KAZN: variants seen among roughly 807,000 people sequenced by gnomAD.
KAZN encodes kazrin.
KAZN carries 40 observed loss-of-function variants against 87.4 expected under a neutral mutation model. That is an observed-to-expected ratio of 0.46 (90% CI 0.36 to 0.60). KAZN has a LOEUF of 0.60. Among genes scored for constraint, KAZN ranks in the 20% least tolerant of loss-of-function variants. The pLI, the probability that KAZN is intolerant of heterozygous loss-of-function variation, is 0.00. For missense variants in KAZN, 898 were observed against 1,073.9 expected, an observed-to-expected ratio of 0.84 and a Z score of 2.29; for synonymous variants, 466 against 458.3, an observed-to-expected ratio of 1.02 and a Z score of -0.22.
At chr1:14,821,036 G>C (rs923591770) in intron 1 of KAZN, among the ~76,000 whole-genome samples, 2 of 152,206 alleles carry the variant, frequency 1.3e-5, no homozygotes, top group African/African-American at 4.8e-5. Flanking sequence ...TTCTGATTCT[G>C]AGTCTGGATG....
intron 1 of KAZN, among the ~76,000 whole-genome samples, chr1:14,018,643 A>G (rs970147918): frequency 6.6e-6 from 1 of 152,070 alleles, no homozygotes; most frequent in Non-Finnish European, 1.5e-5. Context: ...ATGTGTACAG[A>G]CACCATCCCA....
intron 1 of KAZN, among the ~76,000 whole-genome samples, chr1:14,699,303 C>T (rs1056526149): frequency 1.3e-5 from 2 of 152,258 alleles, no homozygotes; most frequent in East Asian, 3.8e-4. Flanking sequence ...TGCTCTTGGA[C>T]TCCATGCCTG....
chr1:13,973,977 G>A (rs960254160), intron 1 of KAZN, among the ~76,000 whole-genome samples: 1 of 152,182 alleles, frequency 6.6e-6, no homozygotes, highest in Non-Finnish European at 1.5e-5. Context: ...GGACTAGGAT[G>A]ATCCAAGGCA....
At chr1:14,812,669 A>G (rs1461389908) in intron 1 of KAZN, among the ~76,000 whole-genome samples, 4 of 152,170 alleles carry the variant, frequency 2.6e-5, no homozygotes, top group Non-Finnish European at 5.9e-5. Context: ...GCATGCCACC[A>G]TGCCCAGCTA....
chr1:14,355,628 C>T (rs780958124), intron 2 of KAZN, among the ~76,000 whole-genome samples: 5 of 152,048 alleles, frequency 3.3e-5, no homozygotes, highest in Non-Finnish European at 7.4e-5. Context: ...TCCCTCCCTG[C>T]GTCCATGTGT....
intron 1 of KAZN, among the ~76,000 whole-genome samples, chr1:14,946,772 G>T (rs1448713747): frequency 6.6e-6 from 1 of 152,150 alleles, no homozygotes. Flanking sequence ...AACCCGAGTT[G>T]AAATCTGATA....
intron 1 of KAZN, among the ~76,000 whole-genome samples, chr1:14,954,586 A>G (rs977024142): frequency 5.3e-5 from 8 of 152,240 alleles, no homozygotes; most frequent in South Asian, 2.1e-4. Flanking sequence ...CCGGTACCCT[A>G]GCTCCTAGCC....
chr1:14,066,448 C>T lies in KAZN; in HGVS notation c.92-113987C>T, dbSNP rs186331914. Among the ~76,000 whole-genome samples the T allele has an allele frequency of 2.8e-3, 429 of 152,312 alleles. 1 individual carries two copies. The highest frequency in any genetic ancestry group is 9.7e-3 in the African/African-American group (402 of 41,576). On this transcript the variant is annotated intron_variant, in intron 1 of 16. Coordinates refer to the KAZN transcript ENST00000636203. ...TTGAATCTGAATTCCTGTTGAATCT[C>T]GTTCTCACTTCTTGGGGTAGAGGGT... is the stretch of plus-strand genomic sequence containing the variant.
At chr1:14,177,145 G>A (rs953226707) in intron 1 of KAZN, among the ~76,000 whole-genome samples, 23 of 151,902 alleles carry the variant, frequency 1.5e-4, no homozygotes, top group African/African-American at 4.6e-4. Flanking sequence ...GTGACACAGC[G>A]AGACGCCATC....
chr1:14,191,597 C>A (rs1362400074), intron 2 of KAZN, among the ~76,000 whole-genome samples: 1 of 152,120 alleles, frequency 6.6e-6, no homozygotes, highest in Non-Finnish European at 1.5e-5. Flanking sequence ...TCATCAGTGT[C>A]TCTGCTGATC....
At chr1:14,605,489 T>TAA (rs1323518807) in intron 1 of KAZN, among the ~76,000 whole-genome samples, 1 of 152,206 alleles carries the variant, frequency 6.6e-6, no homozygotes, top group Non-Finnish European at 1.5e-5. Context: ...AGTTAACAGA[T>TAA]AACATAAGCA....
intron 2 of KAZN, among the ~76,000 whole-genome samples, chr1:15,008,121 G>A (rs965765243): frequency 2.6e-5 from 4 of 152,230 alleles, no homozygotes; most frequent in Admixed American, 2.6e-4. Flanking sequence ...GCCTGCGGAA[G>A]TGGGTAGCTG....
intron 2 of KAZN, among the ~76,000 whole-genome samples, chr1:14,460,537 G>A (rs1667802568): frequency 6.6e-6 from 1 of 152,192 alleles, no homozygotes; most frequent in Admixed American, 6.5e-5. Context: ...CCCCAGGCAT[G>A]TCTGTGAACC....
chr1:14,699,826 T>A (rs1406671037), intron 1 of KAZN, among the ~76,000 whole-genome samples: 1 of 152,158 alleles, frequency 6.6e-6, no homozygotes, highest in Non-Finnish European at 1.5e-5. Flanking sequence ...CATGGCTAAT[T>A]TCAAACTGTC....
chr1:15,044,168 C>T lies in KAZN; in HGVS notation c.726+9C>T. ...AGGCCGAGCTGGCCATGGTGAGAACCCTCCCCACCCAGGTGGGCCTGGCAT... is the reference window on the plus strand; with the variant it reads ...AGGCCGAGCTGGCCATGGTGAGAACTCTCCCCACCCAGGTGGGCCTGGCAT... On this transcript the variant is annotated intron_variant, in intron 4 of 14. Coordinates refer to ENST00000376030, the MANE Select transcript of KAZN (RefSeq NM_201628.3). 3.1e-6 allele frequency: 5 copies of T among 1,587,930 alleles called. No individual in the cohort carries two copies. In the South Asian group the frequency reaches 4.5e-5, roughly 14 times the overall value.
intron 4 of KAZN, among the ~76,000 whole-genome samples, chr1:15,055,862 C>T (rs966583178): frequency 1.3e-5 from 2 of 152,238 alleles, no homozygotes; most frequent in Non-Finnish European, 2.9e-5. Flanking sequence ...GGCTCCACAC[C>T]TCTCCGTGCC....
chr1:14,257,854 T>G, intron 2 of KAZN, among the ~76,000 whole-genome samples: 1 of 140,144 alleles, frequency 7.1e-6, no homozygotes, highest in Non-Finnish European at 1.5e-5. Context: ...GATGACACGT[T>G]AGTGGGTGCA....
chr1:14,645,795 T>G (rs1225364765), intron 1 of KAZN, among the ~76,000 whole-genome samples: 2 of 151,944 alleles, frequency 1.3e-5, no homozygotes, highest in Non-Finnish European at 2.9e-5. Context: ...TGAGTAGGAG[T>G]GGTGAGAGAG....
At chr1:15,042,665 GC>G (rs1346134465) in intron 3 of KAZN, among the ~76,000 whole-genome samples, 1 of 152,160 alleles carries the variant, frequency 6.6e-6, no homozygotes, top group Non-Finnish European at 1.5e-5. Flanking sequence ...CCAGGATTTG[GC>G]CCAGGTTCTC....
Sources: gnomAD v4.1 joint callset for allele counts (sites outside exome capture counted in the v4.1 genomes callset) on GRCh38, gnomAD v4.1.1 for gene constraint, MANE v1.5 for transcripts, NCBI Gene and HGNC (gene_info 2026-07-23, HGNC 2026-07-21) for gene names.